Variants in RALGPS1 observed in about 807,000 individuals in gnomAD.
RALGPS1 encodes ras-specific guanine nucleotide-releasing factor RalGPS1.
In RALGPS1, 19 loss-of-function variants were observed where a neutral mutation model predicts 78.8. The ratio of observed to expected loss-of-function variants is 0.24; its 90% CI spans 0.17 to 0.35. The LOEUF (loss-of-function observed/expected upper bound fraction) is 0.35, where lower values mean the gene tolerates loss of function less well. Among genes scored for constraint, RALGPS1 ranks in the 10% least tolerant of loss-of-function variants. RALGPS1 has a pLI of 1.00. For missense variants in RALGPS1, 454 were observed against 688.3 expected, an observed-to-expected ratio of 0.66 and a Z score of 3.81; for synonymous variants, 228 against 256.3, an observed-to-expected ratio of 0.89 and a Z score of 1.06.
intron 4 of RALGPS1, among the ~76,000 whole-genome samples, chr9:127,018,630 C>G (rs1252073207): frequency 7.3e-6 from 1 of 136,200 alleles, no homozygotes. Flanking sequence ...GACTCTGTCT[C>G]AAAAAATAAT....
intron 7 of RALGPS1, among the ~76,000 whole-genome samples, chr9:127,068,170 G>A (rs2049878209): frequency 6.6e-6 from 1 of 152,180 alleles, no homozygotes. Context: ...ATGACTGCAT[G>A]TAGAAAAGAA....
At chr9:126,964,150 G>T (rs1281482346) in intron 2 of RALGPS1, among the ~76,000 whole-genome samples, 1 of 151,968 alleles carries the variant, frequency 6.6e-6, no homozygotes, top group African/African-American at 2.4e-5. Flanking sequence ...CTGAGGTCAG[G>T]AGTTCGAGAC....
intron 11 of RALGPS1, among the ~76,000 whole-genome samples, chr9:127,182,192 A>C (rs934811988): frequency 2.0e-5 from 3 of 151,776 alleles, no homozygotes; most frequent in Admixed American, 6.6e-5. Flanking sequence ...AAAAAAAAAA[A>C]AAATTAGCAA....
chr9:127,216,968 C>T (rs775344407), intron 18 of RALGPS1: 57 of 1,545,422 alleles, frequency 3.7e-5, no homozygotes, highest in Middle Eastern at 3.4e-4. Context: ...ACCTGGAGGG[C>T]GGTGCGGGGA....
intron 4 of RALGPS1, among the ~76,000 whole-genome samples, chr9:126,990,782 T>C (rs535785756): frequency 6.6e-6 from 1 of 152,358 alleles, no homozygotes; most frequent in East Asian, 1.9e-4. Flanking sequence ...TCAAAGTCTG[T>C]TTCCCTCCTG....
At chr9:127,069,046 G>GA (rs1175906528) in intron 7 of RALGPS1, among the ~76,000 whole-genome samples, 184 bp from the exon 8 acceptor site, 1 of 152,084 alleles carries the variant, frequency 6.6e-6, no homozygotes, top group Non-Finnish European at 1.5e-5. Flanking sequence ...CCCACCTCTG[G>GA]AGTCGAGTCC....
intron 4 of RALGPS1, among the ~76,000 whole-genome samples, chr9:127,023,836 G>GACT: frequency 1.3e-5 from 2 of 152,218 alleles, no homozygotes; most frequent in Middle Eastern, 3.4e-3. Context: ...AGGATTTGGA[G>GACT]ACTAGCCTGG....
chr9:126,950,323 T>G (rs1225484119), intron 1 of RALGPS1, among the ~76,000 whole-genome samples: 1 of 151,832 alleles, frequency 6.6e-6, no homozygotes, highest in Non-Finnish European at 1.5e-5. Flanking sequence ...ATATGAACTT[T>G]AAAGTAGTTT....
At chr9:127,191,845 C>A (rs2061070717) in intron 11 of RALGPS1, among the ~76,000 whole-genome samples, 1 of 151,888 alleles carries the variant, frequency 6.6e-6, no homozygotes, top group Admixed American at 6.6e-5. Context: ...CTACAGGCAC[C>A]TGCCACCACG....
At chr9:126,976,747 A>G (rs2040697424) in intron 3 of RALGPS1, among the ~76,000 whole-genome samples, 1 of 152,168 alleles carries the variant, frequency 6.6e-6, no homozygotes, top group South Asian at 2.1e-4. Flanking sequence ...AAGGCATCCA[A>G]AGGTCTTCAG....
chr9:127,191,814 C>T (rs1271583268), intron 11 of RALGPS1, among the ~76,000 whole-genome samples: 2 of 151,216 alleles, frequency 1.3e-5, no homozygotes, highest in Admixed American at 1.3e-4. Flanking sequence ...TCTCCTGCCT[C>T]AGCCTCCCGA....
At chr9:126,935,563 C>T (rs890437132) in intron 1 of RALGPS1, among the ~76,000 whole-genome samples, 1 of 152,230 alleles carries the variant, frequency 6.6e-6, no homozygotes, top group Non-Finnish European at 1.5e-5. Flanking sequence ...GGTAAAGTTT[C>T]TGATGCATTT....
chr9:127,152,493 C>T (rs1481423640), intron 8 of RALGPS1, among the ~76,000 whole-genome samples: 1 of 152,162 alleles, frequency 6.6e-6, no homozygotes, highest in Non-Finnish European at 1.5e-5. Context: ...CCGATCAGCT[C>T]CTACTGGGCA....
At chr9:127,195,449 A>G (rs937037462) in intron 12 of RALGPS1, among the ~76,000 whole-genome samples, 1 of 152,242 alleles carries the variant, frequency 6.6e-6, no homozygotes, top group Admixed American at 6.5e-5. Context: ...CAGGTGTCTC[A>G]GGCTCAGCAG....
chr9:127,165,351 CCCAG>C (rs769495165), intron 8 of RALGPS1, among the ~76,000 whole-genome samples: 102 of 152,366 alleles, frequency 6.7e-4, no homozygotes, highest in Admixed American at 2.2e-3. Context: ...CTTCCCCTTC[CCCAG>C]CCAGGCAGTT....
intron 8 of RALGPS1, among the ~76,000 whole-genome samples, chr9:127,076,410 G>A (rs1427490530): frequency 1.3e-5 from 2 of 152,148 alleles, no homozygotes; most frequent in Admixed American, 6.5e-5. Flanking sequence ...TAACACTTCT[G>A]GATAGTAAGA....
intron 4 of RALGPS1, among the ~76,000 whole-genome samples, chr9:127,007,421 A>G (rs760736615): frequency 1.4e-4 from 22 of 152,294 alleles, no homozygotes; most frequent in Non-Finnish European, 2.4e-4. Context: ...CTTGTAGCCT[A>G]TGGAAGGAAG....
At chr9:127,152,253 T>G (rs925410981) in intron 8 of RALGPS1, among the ~76,000 whole-genome samples, 2 of 152,214 alleles carry the variant, frequency 1.3e-5, no homozygotes, top group Admixed American at 1.3e-4. Flanking sequence ...CTACATGCAG[T>G]TCAAACCCAT....
At chr9:126,985,352 C>T (rs1169038921) in intron 4 of RALGPS1, among the ~76,000 whole-genome samples, 2 of 152,216 alleles carry the variant, frequency 1.3e-5, no homozygotes, top group African/African-American at 4.8e-5. Context: ...GCATCATCTA[C>T]AGACCTATGA....
Sources: allele counts gnomAD v4.1 joint callset (sites outside exome capture counted in the v4.1 genomes callset), GRCh38; gene constraint gnomAD v4.1.1; transcripts MANE v1.5; gene names NCBI Gene and HGNC (gene_info 2026-07-23, HGNC 2026-07-21).